RPS6KA2: variants seen among roughly 807,000 people sequenced by gnomAD.
The protein encoded by RPS6KA2 is ribosomal protein S6 kinase alpha-2.
In RPS6KA2, 42 loss-of-function variants were observed where a neutral mutation model predicts 91.8. The ratio of observed to expected loss-of-function variants is 0.46; its 90% CI spans 0.36 to 0.59. The LOEUF (loss-of-function observed/expected upper bound fraction) is 0.59, where lower values mean the gene tolerates loss of function less well. Ranked by LOEUF, RPS6KA2 falls within the 20% of genes least tolerant of loss-of-function variation. RPS6KA2 has a pLI of 0.00. For synonymous variants in RPS6KA2, 414 were observed against 393.6 expected (o/e 1.05, Z -0.61); for missense variants, 798 against 978.5 (o/e 0.82, Z 2.46).
At chr6:166,664,000 C>A (rs1788243592) in intron 2 of RPS6KA2, among the ~76,000 whole-genome samples, 1 of 152,246 alleles carries the variant, frequency 6.6e-6, no homozygotes, top group Admixed American at 6.5e-5. Flanking sequence ...CTACCCATCT[C>A]ATAGGTTTTC....
chr6:166,850,921 G>A (rs1275271008), intron 2 of RPS6KA2, among the ~76,000 whole-genome samples: 5 of 152,168 alleles, frequency 3.3e-5, no homozygotes, highest in Admixed American at 3.3e-4. Flanking sequence ...TGACCTGACT[G>A]CATTAGCCAA....
At chr6:166,450,288 A>AG (rs1779848305) in intron 13 of RPS6KA2, among the ~76,000 whole-genome samples, 1 of 143,256 alleles carries the variant, frequency 7.0e-6, no homozygotes, top group African/African-American at 2.6e-5. Context: ...ACCACCAGGG[A>AG]ACCACCACGG....
chr6:166,662,296 G>A lies in RPS6KA2; in HGVS notation c.124-123512C>T, dbSNP rs1788183413. 6.6e-6 allele frequency among the ~76,000 whole-genome samples: 1 copy of A among 152,148 alleles called. No individual in the cohort carries two copies. Reference sequence around the variant, plus strand: ...TGTAAGATTTGGCTGCTATTACGGGGTGACAGTCTTTTCAGTAAGGTAATT... The same window carrying A: ...TGTAAGATTTGGCTGCTATTACGGGATGACAGTCTTTTCAGTAAGGTAATT... On this transcript the variant is annotated intron_variant, in intron 2 of 21. Transcript: ENST00000503859. This position sits in a 1 kb window ranked among gnomAD's most constrained non-coding sequence, Gnocchi z 4.3.
rs936887724 is a variant in RPS6KA2 at position 166,603,785 on chromosome 6, C to G, written c.99+23136G>C. Among the ~76,000 whole-genome samples, 1 of 152,168 alleles carries G rather than the reference C, an allele frequency of 6.6e-6. No individual in the cohort carries two copies. The highest frequency in any genetic ancestry group is 2.4e-5 in the African/African-American group (1 of 41,442). On this transcript the variant is annotated intron_variant, in intron 1 of 20. Transcript: ENST00000265678. This position sits in a 1 kb window ranked among gnomAD's most constrained non-coding sequence, Gnocchi z 4.3. ...GGGAATGGCTGTGGCCCAGGTGTATCAAATAAATGCCCCCGTACTGTTGTT... is the reference window on the plus strand; with the variant it reads ...GGGAATGGCTGTGGCCCAGGTGTATGAAATAAATGCCCCCGTACTGTTGTT...
intron 7 of RPS6KA2, among the ~76,000 whole-genome samples, chr6:166,499,662 G>C (rs983711229): frequency 1.3e-5 from 2 of 152,204 alleles, no homozygotes; most frequent in Admixed American, 1.3e-4. Flanking sequence ...TGCCATGATT[G>C]TGAGGCCTCC....
chr6:166,755,405 C>G (rs773842499), intron 2 of RPS6KA2, among the ~76,000 whole-genome samples: 9 of 152,230 alleles, frequency 5.9e-5, no homozygotes, highest in African/African-American at 2.2e-4. Context: ...CCAGGAGAAC[C>G]AGCAGGAGAT....
rs1162055674 is a variant in RPS6KA2, at chr6:166,626,876, C to G, written c.99+45G>C. On this transcript the variant is annotated intron_variant, in intron 1 of 20. Transcript: ENST00000265678. This position sits in a 1 kb window ranked among gnomAD's most constrained non-coding sequence, Gnocchi z 4.1. ...GAGGCGGGCTCGGGCGACCACGGCCCGCTCAGTGCCCGGCACCTGCGCGCC... is the reference window on the plus strand; with the variant it reads ...GAGGCGGGCTCGGGCGACCACGGCCGGCTCAGTGCCCGGCACCTGCGCGCC... 7.1e-7 allele frequency: 1 copy of G among 1,408,718 alleles called. No individual in the cohort carries two copies. Among genetic ancestry groups the G allele is most frequent in the South Asian group, 1.5e-5 (1 of 67,798 alleles). The allele number at this position is 1,408,718 out of a possible 1,614,324, so 87.3% of individuals were successfully genotyped here.
rs986043259 is a variant in RPS6KA2, at chr6:166,603,317, A to G, written c.99+23604T>C. Among the ~76,000 whole-genome samples, 1 of 152,182 alleles carries G rather than the reference A, an allele frequency of 6.6e-6. No homozygotes were observed. The highest frequency in any genetic ancestry group is 2.1e-4 in the South Asian group (1 of 4,822). ...GCTTGTGTGGGCCATGGCTCTTTCA[A>G]AAAAGATCGTGCTGCTTAGCATAAT... On this transcript the variant is annotated intron_variant, in intron 1 of 20. Transcript: ENST00000265678. This position sits in a 1 kb window ranked among gnomAD's most constrained non-coding sequence, Gnocchi z 4.3.
chr6:166,842,698 C>T (rs529710666), intron 2 of RPS6KA2, among the ~76,000 whole-genome samples: 4 of 152,336 alleles, frequency 2.6e-5, no homozygotes, highest in Middle Eastern at 3.4e-3. Flanking sequence ...CGGCCAGCTC[C>T]GTGCTTCTTA....
At chr6:166,775,324 C>G (rs1298230870) in intron 2 of RPS6KA2, among the ~76,000 whole-genome samples, 1 of 149,796 alleles carries the variant, frequency 6.7e-6, no homozygotes, top group Non-Finnish European at 1.5e-5. Flanking sequence ...GGGGGAGTCT[C>G]TAAGTGCCCA....
intron 1 of RPS6KA2, among the ~76,000 whole-genome samples, chr6:166,548,214 A>C (rs962047385): frequency 6.6e-6 from 1 of 152,262 alleles, no homozygotes; most frequent in Non-Finnish European, 1.5e-5. Context: ...CAAAGATCTA[A>C]ATAAATGGAG....
In RPS6KA2 at chr6:166,791,110, A is replaced by G. The variant is rs538690196; in HGVS notation, c.123+67090T>C. On this transcript the variant is annotated intron_variant, in intron 2 of 21. Transcript: ENST00000503859. ...CAAGACCCATCAGTGTGCTGTATTC[A>G]GGAGAACCATCTCATGTGCAGAGAC... Among the ~76,000 whole-genome samples, 1,192 of 152,354 alleles carry G rather than the reference A, an allele frequency of 7.8e-3. 6 individuals are homozygous for G. Among genetic ancestry groups the G allele is most frequent in the Middle Eastern group, 0.017 (5 of 294 alleles).
intron 11 of RPS6KA2, among the ~76,000 whole-genome samples, chr6:166,465,809 C>A (rs377655590): frequency 1.3e-5 from 2 of 152,204 alleles, no homozygotes; most frequent in Non-Finnish European, 2.9e-5. Context: ...CGGGGCTCTG[C>A]GTTCCAGCTG....
chr6:166,859,379 C>T (rs12663287), intron 1 of RPS6KA2, among the ~76,000 whole-genome samples: 9,997 of 152,242 alleles, frequency 0.066, 699 homozygotes, highest in East Asian at 0.26. Context: ...CCCCAAAGCA[C>T]GCCCTTGGCT....
chr6:166,488,765 A>G (rs1781495660), intron 10 of RPS6KA2, 68 bp downstream of exon 10: 1 of 1,273,894 alleles, frequency 7.8e-7, no homozygotes, highest in Non-Finnish European at 1.1e-6. Flanking sequence ...GGCCCTCCAC[A>G]TCTCCACTGT....
At chr6:166,468,059 A>C (rs945856267) in intron 11 of RPS6KA2, among the ~76,000 whole-genome samples, 1 of 152,264 alleles carries the variant, frequency 6.6e-6, no homozygotes, top group Non-Finnish European at 1.5e-5. Flanking sequence ...GCTGACACCC[A>C]GGTCCATTCT....
chr6:166,788,425 T>C (rs900563819), intron 2 of RPS6KA2, among the ~76,000 whole-genome samples: 5 of 152,130 alleles, frequency 3.3e-5, no homozygotes, highest in Non-Finnish European at 7.4e-5. Flanking sequence ...AGCAAAGACA[T>C]GGAACCAACC....
At chr6:166,502,484 T>C (rs1209235269) in intron 6 of RPS6KA2, among the ~76,000 whole-genome samples, 1 of 152,090 alleles carries the variant, frequency 6.6e-6, no homozygotes, top group Non-Finnish European at 1.5e-5. Context: ...GCTGTAAGGA[T>C]CACGCTGACC....
chr6:166,591,346 G>A (rs1173812023), intron 1 of RPS6KA2, among the ~76,000 whole-genome samples: 1 of 152,216 alleles, frequency 6.6e-6, no homozygotes, highest in Non-Finnish European at 1.5e-5. Flanking sequence ...CGTCCAAATG[G>A]CGCTCGGCAT....
Sources: gnomAD v4.1 joint callset for allele counts (sites outside exome capture counted in the v4.1 genomes callset) on GRCh38, gnomAD v4.1.1 for gene constraint, Gnocchi (gnomAD v3.1) non-coding constraint, MANE v1.5 for transcripts, NCBI Gene and HGNC (gene_info 2026-07-23, HGNC 2026-07-21) for gene names.